The following STON1 variants were observed in gnomAD, a reference collection of about 807,000 sequenced individuals.
STON1 encodes stonin-1.
A neutral mutation model predicts 60.9 loss-of-function variants in STON1; 79 were observed. The ratio of observed to expected loss-of-function variants is 1.30; its 90% CI spans 1.08 to 1.56. The LOEUF (loss-of-function observed/expected upper bound fraction) is 1.56. STON1 is among the 40% of genes most tolerant of loss of function. The pLI is 0.00. For synonymous variants in STON1, 363 were observed against 306.9 expected (o/e 1.18, Z -1.91); for missense variants, 1,166 against 858.9 (o/e 1.36, Z -4.47).
chr2:48,564,408 T>TTCTTCTTCTTCTTCC (rs1491471582), intron 1 of STON1, among the ~76,000 whole-genome samples: 306 of 21,808 alleles, frequency 0.014, 3 homozygotes, highest in Non-Finnish European at 0.015. Context: ...TGGCGGTGTC[T>TTCTTCTTCTTCTTCC]TCTTCTTCTT....
chr2:48,590,878 A>C (rs1365005200), intron 2 of STON1, among the ~76,000 whole-genome samples: 1 of 152,188 alleles, frequency 6.6e-6, no homozygotes, highest in Non-Finnish European at 1.5e-5. Flanking sequence ...GTAGGGAAAA[A>C]TAATTTGTTC....
rs1328619118 is a variant in STON1 at position 48,555,240 on chromosome 2, G to A, written c.-48+25024G>A. Among the ~76,000 whole-genome samples the A allele has an allele frequency of 2.3e-4, 25 of 109,674 alleles. 6 individuals carry two copies. The highest frequency in any genetic ancestry group is 1.4e-4 in the Non-Finnish European group (7 of 51,606). 72.0% of individuals were successfully genotyped at this position (109,674 alleles called of 152,430 possible). On this transcript the variant is annotated intron_variant, in intron 1 of 3. Transcript: ENST00000404752. ...CTGGCCCGTTCTCAATGAGCTGTTGGGCACACCTCCCAGACGGGGAGGTGG... is the reference window on the plus strand; with the variant it reads ...CTGGCCCGTTCTCAATGAGCTGTTGAGCACACCTCCCAGACGGGGAGGTGG...
At chr2:48,589,640 G>C (rs185471152) in intron 2 of STON1, among the ~76,000 whole-genome samples, 5 of 152,240 alleles carry the variant, frequency 3.3e-5, no homozygotes, top group Admixed American at 1.3e-4. Flanking sequence ...GAAAGGTTTT[G>C]TTTCTGACAT....
At chr2:48,550,662 G>A (rs775664827) in intron 1 of STON1, among the ~76,000 whole-genome samples, 24 of 150,992 alleles carry the variant, frequency 1.6e-4, no homozygotes, top group Non-Finnish European at 2.7e-4. Flanking sequence ...TCTATTTTAT[G>A]AATTAGGAAA....
intron 1 of STON1, among the ~76,000 whole-genome samples, chr2:48,532,998 A>T (rs1572917149): frequency 6.6e-6 from 1 of 152,214 alleles, no homozygotes; most frequent in Non-Finnish European, 1.5e-5. Flanking sequence ...TCATGCCTGT[A>T]ACCCTAGCAC....
Position 48,583,378 on chromosome 2 carries a change from C to G in STON1, c.1930+815C>G, listed in dbSNP as rs1008813083. 6.6e-5 allele frequency among the ~76,000 whole-genome samples: 10 copies of G among 152,322 alleles called. 1 individual carries two copies. In the East Asian group the frequency reaches 1.5e-3, roughly 23 times the overall value. On this transcript the variant is annotated intron_variant, in intron 2 of 3. Coordinates refer to ENST00000404752, the MANE Select transcript of STON1 (RefSeq NM_006873.4). ...TGCTAGCATTACAGGTGTGAGCCAC[C>G]TCATCTGGCCTAAACTGGTTGTTTT...
chr2:48,585,764 C>T (rs564653718), intron 2 of STON1, among the ~76,000 whole-genome samples: 25 of 152,366 alleles, frequency 1.6e-4, no homozygotes, highest in African/African-American at 5.8e-4. Flanking sequence ...GAAAGTCAGG[C>T]AGGCTGGAAT....
chr2:48,563,819 A>G (rs1172986525), intron 1 of STON1, among the ~76,000 whole-genome samples: 1 of 151,676 alleles, frequency 6.6e-6, no homozygotes, highest in Non-Finnish European at 1.5e-5. Context: ...TCGGCCTCCT[A>G]AGTAGCTGGG....
chr2:48,534,874 C>G (rs1671360036), intron 1 of STON1, among the ~76,000 whole-genome samples: 1 of 152,216 alleles, frequency 6.6e-6, no homozygotes, highest in South Asian at 2.1e-4. Context: ...CTCCGCCAGT[C>G]ACTTCTCTTT....
chr2:48,539,582 A>T (rs1000421429), intron 1 of STON1, among the ~76,000 whole-genome samples: 2 of 151,730 alleles, frequency 1.3e-5, no homozygotes, highest in Admixed American at 1.3e-4. Context: ...GCTCACTGCA[A>T]CCTCTGCCTC....
chr2:48,546,748 G>C (rs942248658), intron 1 of STON1, among the ~76,000 whole-genome samples: 1 of 152,158 alleles, frequency 6.6e-6, no homozygotes, highest in African/African-American at 2.4e-5. Flanking sequence ...ATTATTTTTA[G>C]AGATGGGGTG....
intron 1 of STON1, among the ~76,000 whole-genome samples, chr2:48,567,359 C>G (rs1353287187): frequency 6.6e-6 from 1 of 152,176 alleles, no homozygotes; most frequent in African/African-American, 2.4e-5. Flanking sequence ...TTGTTCCAAA[C>G]TTTCGCTTTC....
chr2:48,590,656 C>CACACACACACACACACACAG (rs1674460653), intron 2 of STON1, among the ~76,000 whole-genome samples: 1 of 152,014 alleles, frequency 6.6e-6, no homozygotes, highest in Non-Finnish European at 1.5e-5. Flanking sequence ...CACACACACA[C>CACACACACACACACACACAG]ACACTATATG....
chr2:48,585,979 G>A (rs3792238), intron 2 of STON1, among the ~76,000 whole-genome samples: 4 of 152,132 alleles, frequency 2.6e-5, no homozygotes, highest in African/African-American at 4.8e-5. Flanking sequence ...CACGTGGTGT[G>A]AGAGGGACAA....
chr2:48,538,597 T>C (rs1370133569), intron 1 of STON1, among the ~76,000 whole-genome samples: 1 of 151,838 alleles, frequency 6.6e-6, no homozygotes, highest in Non-Finnish European at 1.5e-5. Flanking sequence ...ATCTAGCTTA[T>C]ATTTCTTATT....
chr2:48,572,902 A>G (rs963352365), intron 1 of STON1, among the ~76,000 whole-genome samples: 2 of 152,176 alleles, frequency 1.3e-5, no homozygotes, highest in Non-Finnish European at 2.9e-5. Flanking sequence ...ACTTCAGCCT[A>G]AGGGCAGTGA....
intron 1 of STON1, among the ~76,000 whole-genome samples, chr2:48,561,648 T>G (rs1672618288): frequency 6.6e-6 from 1 of 152,200 alleles, no homozygotes; most frequent in Non-Finnish European, 1.5e-5. Flanking sequence ...CCCTACTTAC[T>G]AGACGCTAGT....
chr2:48,568,477 CTT>C (rs1364921686), intron 1 of STON1, among the ~76,000 whole-genome samples: 6 of 152,144 alleles, frequency 3.9e-5, no homozygotes, highest in Admixed American at 2.6e-4. Flanking sequence ...GAAGTAGACT[CTT>C]GAGGTTGGAG....
intron 1 of STON1, among the ~76,000 whole-genome samples, chr2:48,559,666 T>G (rs1250954682): frequency 6.6e-6 from 1 of 152,206 alleles, no homozygotes; most frequent in African/African-American, 2.4e-5. Context: ...TCCATGTCAC[T>G]GCTAGGCAGT....
Sources: allele counts gnomAD v4.1 joint callset (sites outside exome capture counted in the v4.1 genomes callset), GRCh38; gene constraint gnomAD v4.1.1; transcripts MANE v1.5; gene names NCBI Gene and HGNC (gene_info 2026-07-23, HGNC 2026-07-21).